The following STYXL2 variants were observed in gnomAD, a reference collection of about 807,000 sequenced individuals.
STYXL2 encodes serine/threonine/tyrosine-interacting-like protein 2.
In STYXL2, 44 loss-of-function variants were observed where a neutral mutation model predicts 52.4. That is an observed-to-expected ratio of 0.84 (90% CI 0.66 to 1.08). The LOEUF (loss-of-function observed/expected upper bound fraction) is 1.08. Ranked by LOEUF, STYXL2 falls within the 50% of genes least tolerant of loss-of-function variation. The pLI is 0.00. For synonymous variants in STYXL2, 604 were observed against 586.9 expected, an observed-to-expected ratio of 1.03 and a Z score of -0.42; for missense variants, 1,604 against 1,471.7, an observed-to-expected ratio of 1.09 and a Z score of -1.47.
At chr1:167,108,456 C>G (rs895485373) in intron 2 of STYXL2, among the ~76,000 whole-genome samples, 1 of 152,138 alleles carries the variant, frequency 6.6e-6, no homozygotes, top group African/African-American at 2.4e-5. Flanking sequence ...TCCCCAATAA[C>G]GTTTGTTTGA....
chr1:167,102,537 T>A (rs1421577570), intron 2 of STYXL2, among the ~76,000 whole-genome samples: 1 of 152,196 alleles, frequency 6.6e-6, no homozygotes, highest in East Asian at 1.9e-4. Context: ...AGGTATTTGA[T>A]AAATGCTGGT....
rs571494516 is a variant in STYXL2 at position 167,128,369 on chromosome 1, T to C, written c.3238T>C (p.Ser1080Pro). The C allele has an allele frequency of 5.0e-5, 81 of 1,614,072 alleles. 1 individual carries two copies. The South Asian group carries it at 5.7e-4, about 11-fold the overall frequency. Residue 1080 changes from serine to proline, a missense_variant, in exon 6 of 6, where the codon TCT (serine) becomes CCT (proline). By Grantham distance (74) the Ser-to-Pro change is moderately conservative. Coordinates refer to ENST00000361200, the MANE Select transcript of STYXL2 (RefSeq NM_001080426.3). ...DVEESSKSDF[S>P]EFGAKRKFTQ... ...GGAAGAGTCATCCAAGTCAGACTTC[T>C]CTGAATTTGGAGCCAAGAGGAAGTT... is the stretch of plus-strand genomic sequence containing the variant.
At position 167,127,039 on chromosome 1, in the gene STYXL2, G is replaced by A. The variant is rs764553686; in HGVS notation, c.1908G>A (p.Thr636=). 19 of 1,608,582 alleles carry A rather than the reference G, an allele frequency of 1.2e-5. No homozygotes were observed. The highest frequency in any genetic ancestry group is 1.3e-5 in the Non-Finnish European group (15 of 1,176,616). Residue 636 remains threonine (T), a synonymous_variant, in exon 6 of 6, where the codon ACG becomes ACA. Transcript: ENST00000361200. ...RLELLERSRQ[T]LEESQSMASW... The stretch of plus-strand genomic sequence containing the variant: ...AGCTGCTGGAGAGAAGCCGGCAGAC[G>A]CTGGAGGAGAGCCAGTCTATGGCAA...
rs1364083396 is a variant in STYXL2 at position 167,128,774 on chromosome 1, G to A, written c.*166G>A. On this transcript the variant is annotated 3_prime_UTR_variant, in exon 6 of 6. Transcript: ENST00000361200. ...CATAAGGGCAGCAGAGGTGGAGTAG[G>A]GAGGAGGCAAGGAGGGGGAGAACCA... 3.4e-6 allele frequency: 4 copies of A among 1,176,450 alleles called. No homozygotes were observed. The highest frequency in any genetic ancestry group is 2.3e-6 in the Non-Finnish European group (2 of 868,680). 72.9% of individuals were successfully genotyped at this position (1,176,450 alleles called of 1,614,324 possible). A position where few individuals can be genotyped will look rare whatever the true frequency, so the allele number is the denominator to read the frequency against.
Position 167,094,907 on chromosome 1 carries a change from G to T in STYXL2, c.58G>T (p.Ala20Ser). ...GGTAGTCCCAAGCGAGGAGGACGAA[G>T]CCAACGTGAGGGCGGTGCAGGCCCA... ...EQVVPSEEDE[A>S]NVRAVQAHYL... The change falls in exon 2 of 6, where the codon GCC becomes TCC. Residue 20 changes from alanine (A) to serine (S), a missense_variant. Transcript: ENST00000361200. 1 of 1,612,950 alleles carries T rather than the reference G, an allele frequency of 6.2e-7. No individual in the cohort carries two copies. The highest frequency in any genetic ancestry group is 8.5e-7 in the Non-Finnish European group (1 of 1,179,726).
At position 167,128,346 on chromosome 1, in the gene STYXL2, AAG is replaced by A. The variant is rs1358220634; in HGVS notation, c.3218_3219del (p.Glu1073ValfsTer8). The stretch of plus-strand genomic sequence containing the variant: ...AGGTCCAGGGACTGGGAAGATGTGG[AAG>A]AGTCATCCAAGTCAGACTTCTCTGA... On this transcript the variant is annotated frameshift_variant, in exon 6 of 6. Coordinates refer to ENST00000361200, the MANE Select transcript of STYXL2 (RefSeq NM_001080426.3). LOFTEE classifies it high-confidence loss of function. 1.9e-6 allele frequency: 3 copies of A among 1,614,188 alleles called. No individual in the cohort carries two copies. Among genetic ancestry groups the A allele is most frequent in the Non-Finnish European group, 2.5e-6 (3 of 1,180,022 alleles).
rs776153208 is a variant in STYXL2 at position 167,127,821 on chromosome 1, G to A, written c.2690G>A (p.Arg897Gln). Reference protein sequence around the residue: ...EDTDSAIGSFRYSSRSNSQKP... With the variant: ...EDTDSAIGSFQYSSRSNSQKP... ...ACTGACAGTGCCATAGGGAGCTTCC[G>A]ATATTCTTCCCGCAGTAATTCCCAG... Residue 897 changes from arginine (R) to glutamine (Q), a missense_variant, in exon 6 of 6, where the codon CGA becomes CAA. Arg to Gln is a conservative substitution (Grantham distance 43). Transcript: ENST00000361200. 27 of 1,613,666 alleles carry A rather than the reference G, an allele frequency of 1.7e-5. No individual in the cohort carries two copies. In the East Asian group the frequency reaches 1.8e-4, roughly 11 times the overall value.
At chr1:167,106,864 C>T (rs760682416) in intron 2 of STYXL2, among the ~76,000 whole-genome samples, 5 of 152,204 alleles carry the variant, frequency 3.3e-5, no homozygotes, top group Non-Finnish European at 7.3e-5. Flanking sequence ...AGAAGAGTGC[C>T]TAAGCATTTG....
chr1:167,102,643 A>G (rs1387110517), intron 2 of STYXL2, among the ~76,000 whole-genome samples: 5 of 152,214 alleles, frequency 3.3e-5, no homozygotes, highest in Non-Finnish European at 5.9e-5. Context: ...AGAGTCCCAC[A>G]CACACTGATT....
At chr1:167,125,236 A>C (rs1479392871) in intron 5 of STYXL2, among the ~76,000 whole-genome samples, 3 of 152,158 alleles carry the variant, frequency 2.0e-5, no homozygotes, top group African/African-American at 7.2e-5. Flanking sequence ...ATATGAAAAA[A>C]ATTTTGAAGC....
intron 2 of STYXL2, among the ~76,000 whole-genome samples, chr1:167,103,961 A>C (rs954507147): frequency 2.0e-5 from 3 of 152,126 alleles, no homozygotes; most frequent in African/African-American, 7.2e-5. Context: ...CTCTACTAAA[A>C]ATAGAAAAAT....
intron 2 of STYXL2, among the ~76,000 whole-genome samples, chr1:167,107,778 G>T (rs991496938): frequency 1.3e-5 from 2 of 152,130 alleles, no homozygotes; most frequent in African/African-American, 4.8e-5. Flanking sequence ...TAGTGTAGGA[G>T]ACCAATATTT....
chr1:167,127,369 C>T lies in STYXL2; in HGVS notation c.2238C>T (p.Ser746=), dbSNP rs1200233522. 1.2e-6 allele frequency: 2 copies of T among 1,614,142 alleles called. No individual in the cohort carries two copies. The highest frequency in any genetic ancestry group is 1.7e-5 in the Admixed American group (1 of 60,022). ...AGCAAAATGAAATGCTGCTGTTGTC[C>T]CGCTCACCGTCTGTTGCAAGCATGA... ...AQKQNEMLLL[S]RSPSVASMKA... Residue 746 remains serine, a synonymous_variant, in exon 6 of 6, where the codon TCC becomes TCT. Transcript: ENST00000361200.
intron 4 of STYXL2, 42 bp from the exon 5 acceptor site, chr1:167,119,207 T>C (rs1667794942): frequency 1.3e-6 from 2 of 1,591,068 alleles, no homozygotes; most frequent in Middle Eastern, 1.7e-4. Flanking sequence ...CACACCTTTC[T>C]AGTTCCGACT....
chr1:167,127,474 C>A lies in STYXL2; in HGVS notation c.2343C>A (p.Gly781=), dbSNP rs1558028535. 1.2e-6 allele frequency: 2 copies of A among 1,614,106 alleles called. No individual in the cohort carries two copies. Among genetic ancestry groups the A allele is most frequent in the Non-Finnish European group, 1.7e-6 (2 of 1,180,006 alleles). The part of the protein sequence containing the change: ...LSGHSSSSLG[G]CLLPQSQARP... ...GACACAGCAGCTCCTCCTTGGGTGG[C>A]TGCCTGTTGCCTCAGAGCCAGGCAA... Residue 781 remains glycine (G), a synonymous_variant, in exon 6 of 6, where the codon GGC becomes GGA. Coordinates refer to ENST00000361200, the MANE Select transcript of STYXL2 (RefSeq NM_001080426.3).
chr1:167,116,382 T>C (rs1050094458), intron 3 of STYXL2, among the ~76,000 whole-genome samples: 1 of 152,174 alleles, frequency 6.6e-6, no homozygotes, highest in African/African-American at 2.4e-5. Flanking sequence ...TGAGAGCTCA[T>C]GGCCAACCTT....
intron 2 of STYXL2, among the ~76,000 whole-genome samples, chr1:167,102,158 G>A (rs978010079): frequency 6.6e-6 from 1 of 152,028 alleles, no homozygotes; most frequent in African/African-American, 2.4e-5. Context: ...GGGCAGGGAG[G>A]GGGTGAGAGG....
intron 4 of STYXL2, 33 bp downstream of exon 4, chr1:167,117,592 C>A: frequency 6.5e-7 from 1 of 1,547,746 alleles, no homozygotes; most frequent in South Asian, 1.2e-5. Flanking sequence ...ACCCTTTGTC[C>A]TAACCCTCTG....
chr1:167,125,667 C>T, intron 5 of STYXL2, 120 bp from the exon 6 acceptor site: 1 of 1,387,350 alleles, frequency 7.2e-7, no homozygotes, highest in South Asian at 1.7e-5. Context: ...ACTTCAGAGG[C>T]AAAGTAAACA....
Sources: allele counts gnomAD v4.1 joint callset (sites outside exome capture counted in the v4.1 genomes callset), GRCh38; gene constraint gnomAD v4.1.1; transcripts MANE v1.5; gene names NCBI Gene and HGNC (gene_info 2026-07-23, HGNC 2026-07-21).